PTPRT: variants seen among roughly 807,000 people sequenced by gnomAD.
PTPRT encodes the protein receptor-type tyrosine-protein phosphatase T.
PTPRT carries 56 observed loss-of-function variants against 176.8 expected under a neutral mutation model. That is an observed-to-expected ratio of 0.32 (90% CI 0.26 to 0.40). The LOEUF is 0.40. Among genes scored for constraint, PTPRT ranks in the 10% least tolerant of loss-of-function variants. The pLI is 1.00. For missense variants in PTPRT, 1,540 were observed against 1,908.2 expected (o/e 0.81, Z 3.60); for synonymous variants, 783 against 739.0 (o/e 1.06, Z -0.96).
intron 12 of PTPRT, among the ~76,000 whole-genome samples, chr20:42,304,970 T>G (rs1475016219): frequency 6.6e-6 from 1 of 152,226 alleles, no homozygotes; most frequent in Non-Finnish European, 1.5e-5. Flanking sequence ...GAGATACAGA[T>G]AGTGTACCCT....
chr20:42,627,786 T>C (rs1184286346), intron 7 of PTPRT, among the ~76,000 whole-genome samples: 2 of 152,072 alleles, frequency 1.3e-5, no homozygotes, highest in African/African-American at 4.8e-5. Context: ...TCTCCAACAT[T>C]TTAGTTGCAA....
intron 16 of PTPRT, among the ~76,000 whole-genome samples, chr20:42,166,554 C>A (rs541862376): frequency 6.6e-6 from 1 of 152,254 alleles, no homozygotes; most frequent in East Asian, 1.9e-4. Flanking sequence ...AATGATAGTG[C>A]AACATAAAAT....
At chr20:42,117,101 G>T (rs1301506854) in intron 21 of PTPRT, among the ~76,000 whole-genome samples, 1 of 151,988 alleles carries the variant, frequency 6.6e-6, no homozygotes, top group Non-Finnish European at 1.5e-5. Context: ...ACCCCTTTAG[G>T]TCTGTTTCCT....
chr20:42,791,148 G>A, intron 3 of PTPRT, 47 bp downstream of exon 3: 3 of 1,531,888 alleles, frequency 2.0e-6, no homozygotes, highest in Non-Finnish European at 2.6e-6. Flanking sequence ...AAGGTGTATA[G>A]ATTTATTACA....
At chr20:42,189,048 C>A (rs142658048) in intron 16 of PTPRT, among the ~76,000 whole-genome samples, 16 of 152,288 alleles carry the variant, frequency 1.1e-4, no homozygotes, top group South Asian at 6.2e-4. Context: ...AGCAGGTTAC[C>A]CTTCCTGGAA....
chr20:42,379,052 T>C (rs2058675375), intron 9 of PTPRT, among the ~76,000 whole-genome samples: 1 of 152,222 alleles, frequency 6.6e-6, no homozygotes, highest in South Asian at 2.1e-4. Flanking sequence ...GCACTTGGAA[T>C]GCTGCATTTC....
At chr20:42,110,220 G>GTATC (rs1445346183) in intron 23 of PTPRT, 113 bp downstream of exon 23, 2 of 1,006,592 alleles carry the variant, frequency 2.0e-6, no homozygotes, top group Admixed American at 5.9e-5. Context: ...CTAAGTTTTT[G>GTATC]TATCTTTCTT....
chr20:42,536,722 C>A (rs1471483582), intron 7 of PTPRT, among the ~76,000 whole-genome samples: 1 of 152,118 alleles, frequency 6.6e-6, no homozygotes, highest in Non-Finnish European at 1.5e-5. Flanking sequence ...AGATGAGATG[C>A]CATTTTTGGC....
intron 15 of PTPRT, among the ~76,000 whole-genome samples, chr20:42,218,936 G>C (rs1016788284): frequency 6.6e-6 from 1 of 152,226 alleles, no homozygotes; most frequent in Non-Finnish European, 1.5e-5. Flanking sequence ...ACAGACAGCC[G>C]GTGGGCTGTT....
chr20:42,190,502 C>T (rs1039905331), intron 16 of PTPRT, among the ~76,000 whole-genome samples: 5 of 152,160 alleles, frequency 3.3e-5, no homozygotes, highest in Admixed American at 3.3e-4. Context: ...GGCCATAATT[C>T]TACTATCATG....
chr20:42,277,531 G>A (rs1040956023), intron 13 of PTPRT, among the ~76,000 whole-genome samples: 2 of 152,154 alleles, frequency 1.3e-5, no homozygotes, highest in Non-Finnish European at 2.9e-5. Flanking sequence ...CAGGTCAGAG[G>A]AAGCAAATTT....
intron 15 of PTPRT, among the ~76,000 whole-genome samples, chr20:42,201,730 CAAAAAAAAAAAA>C (rs57007206): frequency 1.4e-5 from 1 of 74,060 alleles, no homozygotes; most frequent in South Asian, 5.1e-4. Context: ...GAACCAGAGG[CAAAAAAAAAAAA>C]AAAAAAAAAA....
intron 6 of PTPRT, among the ~76,000 whole-genome samples, chr20:42,726,552 C>T (rs940338018): frequency 9.2e-5 from 14 of 152,232 alleles, no homozygotes; most frequent in Non-Finnish European, 1.8e-4. Context: ...GGCCAGATGG[C>T]CTTTGGCAAA....
At chr20:42,794,657 A>T (rs2077427253) in intron 2 of PTPRT, among the ~76,000 whole-genome samples, 1 of 152,232 alleles carries the variant, frequency 6.6e-6, no homozygotes, top group Admixed American at 6.5e-5. Context: ...TTAAGTAAAA[A>T]GGGAATAAAC....
intron 1 of PTPRT, among the ~76,000 whole-genome samples, chr20:43,095,628 A>C (rs1238238448): frequency 1.9e-4 from 22 of 115,902 alleles, no homozygotes; most frequent in Admixed American, 6.3e-4. Flanking sequence ...TCCCCCACCG[A>C]TCTCTCTCCC....
intron 9 of PTPRT, among the ~76,000 whole-genome samples, chr20:42,409,356 C>T (rs906759817): frequency 4.6e-5 from 7 of 151,736 alleles, no homozygotes; most frequent in Non-Finnish European, 7.4e-5. Context: ...GTGTCTCGCG[C>T]CTGTAGTCCC....
At chr20:42,256,375 A>C (rs1389732124) in intron 13 of PTPRT, among the ~76,000 whole-genome samples, 2 of 152,172 alleles carry the variant, frequency 1.3e-5, no homozygotes, top group African/African-American at 4.8e-5. Flanking sequence ...ATCCCAAGGC[A>C]TTGAGAATAT....
At chr20:43,185,404 C>T (rs753965114) in intron 1 of PTPRT, among the ~76,000 whole-genome samples, 27 of 152,136 alleles carry the variant, frequency 1.8e-4, no homozygotes, top group Non-Finnish European at 2.8e-4. Context: ...AGGCTGCACA[C>T]GGGAGAGTGT....
Position 42,510,521 on chromosome 20 carries a change from T to C in PTPRT, c.1154-37959A>G, listed in dbSNP as rs1242691257. 3.9e-5 allele frequency among the ~76,000 whole-genome samples: 6 copies of C among 152,164 alleles called. No homozygotes were observed. In the South Asian group the frequency reaches 1.0e-3, roughly 26 times the overall value. The stretch of plus-strand genomic sequence containing the variant: ...AAGATGAAGGGTATTTACTGGGTCA[T>C]ACAAGATGTGCTATGGTGTCCAGAT... On this transcript the variant is annotated intron_variant, in intron 7 of 30. Transcript: ENST00000373187.
Sources: gnomAD v4.1 joint callset for allele counts (sites outside exome capture counted in the v4.1 genomes callset) on GRCh38, gnomAD v4.1.1 for gene constraint, MANE v1.5 for transcripts, NCBI Gene and HGNC (gene_info 2026-07-23, HGNC 2026-07-21) for gene names.